The following GPR26 variants were observed in gnomAD, a reference collection of about 807,000 sequenced individuals.
GPR26 encodes G protein-coupled receptor 26.
A neutral mutation model predicts 23.1 loss-of-function variants in GPR26; 15 were observed. The ratio of observed to expected loss-of-function variants is 0.65; its 90% confidence interval spans 0.43 to 1.00. The LOEUF (loss-of-function observed/expected upper bound fraction) is 1.00. Ranked by LOEUF, GPR26 falls within the 50% of genes least tolerant of loss-of-function variation. GPR26 has a pLI of 0.00. For missense variants in GPR26, 359 were observed against 470.5 expected (o/e 0.76, Z 2.19); for synonymous variants, 228 against 222.1 (o/e 1.03, Z -0.24).
chr10:123,671,014 T>C (rs1845243703), intron 1 of GPR26, among the ~76,000 whole-genome samples: 1 of 152,180 alleles, frequency 6.6e-6, no homozygotes, highest in Non-Finnish European at 1.5e-5. Context: ...GCCAGACTGC[T>C]TATGCCAGTG....
At chr10:123,670,678 C>G (rs1359716985) in intron 1 of GPR26, among the ~76,000 whole-genome samples, 1 of 152,230 alleles carries the variant, frequency 6.6e-6, no homozygotes, top group Non-Finnish European at 1.5e-5. Flanking sequence ...CCCTTGCACA[C>G]TGCACGTTGC....
intron 2 of GPR26, among the ~76,000 whole-genome samples, chr10:123,685,028 C>A (rs569054353): frequency 1.3e-5 from 2 of 152,212 alleles, no homozygotes; most frequent in African/African-American, 4.8e-5. Context: ...CTGCCTCCCA[C>A]GTCCCGTCCT....
chr10:123,677,278 C>T (rs1413507454), intron 2 of GPR26, among the ~76,000 whole-genome samples: 1 of 152,210 alleles, frequency 6.6e-6, no homozygotes, highest in Non-Finnish European at 1.5e-5. Context: ...AATATGCTCC[C>T]TCCAAATGGA....
At position 123,666,932 on chromosome 10, in the gene GPR26, C is replaced by T; in HGVS notation, c.525C>T (p.Ala175=). 2 of 1,613,686 alleles carry T rather than the reference C, an allele frequency of 1.2e-6. No individual in the cohort carries two copies. The highest frequency in any genetic ancestry group is 1.7e-6 in the Non-Finnish European group (2 of 1,179,956). The change falls in exon 1 of 3, where the codon GCC becomes GCT. Residue 175 remains alanine, a synonymous_variant. Transcript: ENST00000284674. The part of the protein sequence containing the change: ...ERLRFAVFTG[A]FHALSFLLSF... ...TGCGCTTCGCCGTCTTCACTGGCGC[C>T]TTCCACGCTCTCAGCTTCCTGCTCT...
At chr10:123,680,810 GTTTT>G (rs1438812523) in intron 2 of GPR26, among the ~76,000 whole-genome samples, 2 of 21,602 alleles carry the variant, frequency 9.3e-5, no homozygotes, top group African/African-American at 4.0e-4. Flanking sequence ...GGTTTTTTTT[GTTTT>G]GTTTTGTTTT....
chr10:123,680,827 T>TGG lies in GPR26; in HGVS notation c.782+5906_782+5907dup, dbSNP rs71026068. 1.8e-3 allele frequency among the ~76,000 whole-genome samples: 168 copies of TGG among 95,668 alleles called. 1 individual carries two copies. The highest frequency in any genetic ancestry group is 0.012 in the East Asian group (18 of 1,548). 62.8% of individuals were successfully genotyped at this position (95,668 alleles called of 152,430 possible). On this transcript the variant is annotated intron_variant, in intron 2 of 2. Coordinates refer to ENST00000284674, the MANE Select transcript of GPR26 (RefSeq NM_153442.4). ...TTTTTTTTGTTTTGTTTTGTTTTTT[T>TGG]GGGGGGGGGGGTTGTTTTTTTGTTT...
chr10:123,692,987 C>T lies in GPR26; in HGVS notation c.*4827C>T, dbSNP rs1386041475. ...TTGTTCTCAGAGGGACAAAACTGAT[C>T]TCTCCATGAAATCCCCTGCACCTCA... On this transcript the variant is annotated 3_prime_UTR_variant, in exon 3 of 3. Coordinates refer to ENST00000284674, the MANE Select transcript of GPR26 (RefSeq NM_153442.4). 1.3e-5 allele frequency: 2 copies of T among 152,182 alleles called. No homozygotes were observed. The highest frequency in any genetic ancestry group is 2.9e-5 in the Non-Finnish European group (2 of 68,018). The allele number at this position is 152,182 out of a possible 1,614,324, so 9.4% of individuals were successfully genotyped here. A position where few individuals can be genotyped will look rare whatever the true frequency, so the allele number is the denominator to read the frequency against.
rs1255730156 is a variant in GPR26, at chr10:123,692,643, G to C, written c.*4483G>C. On this transcript the variant is annotated 3_prime_UTR_variant, in exon 3 of 3. Transcript: ENST00000284674. ...GGGTGGAGCTTGGCCTCTGCAGTTT[G>C]CGCTTGCAGGTTCAGGGGAGAAAGT... The C allele has an allele frequency of 1.3e-5, 2 of 152,400 alleles. No homozygotes were observed. Among genetic ancestry groups the C allele is most frequent in the Non-Finnish European group, 2.9e-5 (2 of 68,196 alleles). 9.4% of individuals were successfully genotyped at this position (152,400 alleles called of 1,614,324 possible).
rs1259022280 is a variant in GPR26 at position 123,674,033 on chromosome 10, C to T, written c.669-785C>T. Among the ~76,000 whole-genome samples, 3 of 152,202 alleles carry T rather than the reference C, an allele frequency of 2.0e-5. No homozygotes were observed. Among genetic ancestry groups the T allele is most frequent in the Admixed American group, 2.0e-4 (3 of 15,288 alleles). ...AGGGCAATGACACGGTCTCAGCTCA[C>T]TGCAACCTCTGCCTCCTGGGTTCAA... On this transcript the variant is annotated intron_variant, in intron 1 of 2. Coordinates refer to ENST00000284674, the MANE Select transcript of GPR26 (RefSeq NM_153442.4). The surrounding 1 kb of genome is among the most constrained non-coding windows in gnomAD (Gnocchi z 4.1).
rs760380792 is a variant in GPR26 at position 123,666,997 on chromosome 10, A to T, written c.590A>T (p.Lys197Met). Reference protein sequence around the residue: ...VLCCTYLKVLKVARFHCKRID... With the variant: ...VLCCTYLKVLMVARFHCKRID... ...TGCTGCACGTACCTCAAGGTGCTCAAGGTGGCCCGCTTCCATTGCAAGCGC... is the reference window on the plus strand; with the variant it reads ...TGCTGCACGTACCTCAAGGTGCTCATGGTGGCCCGCTTCCATTGCAAGCGC... The change falls in exon 1 of 3, where the codon AAG (lysine) becomes ATG (methionine). Residue 197 changes from lysine to methionine, a missense_variant. Coordinates refer to ENST00000284674, the MANE Select transcript of GPR26 (RefSeq NM_153442.4). 8.1e-6 allele frequency: 13 copies of T among 1,612,896 alleles called. No homozygotes were observed. The Admixed American group carries it at 1.3e-4, about 17-fold the overall frequency.
intron 2 of GPR26, among the ~76,000 whole-genome samples, chr10:123,676,190 A>G (rs371245607): frequency 2.0e-5 from 3 of 151,976 alleles, no homozygotes; most frequent in African/African-American, 7.3e-5. Context: ...TTTTCCCCAG[A>G]TAGACAACTC....
intron 1 of GPR26, among the ~76,000 whole-genome samples, chr10:123,670,521 A>T (rs1429915845): frequency 2.0e-5 from 3 of 152,180 alleles, no homozygotes; most frequent in Non-Finnish European, 4.4e-5. Flanking sequence ...GCCTTGGTGA[A>T]TATACCTTTA....
intron 2 of GPR26, among the ~76,000 whole-genome samples, chr10:123,685,169 A>G (rs913015258): frequency 2.0e-5 from 3 of 152,134 alleles, no homozygotes; most frequent in Non-Finnish European, 2.9e-5. Context: ...CAGAATTGTA[A>G]TGCCCCTTTC....
Position 123,688,334 on chromosome 10 carries a change from G to C in GPR26, c.*174G>C. The stretch of plus-strand genomic sequence containing the variant: ...CCTGCTTCCTGGTTCCTCAAGGGCA[G>C]ATATTGGACACTCCTTATTTGTCAC... On this transcript the variant is annotated 3_prime_UTR_variant, in exon 3 of 3. Coordinates refer to ENST00000284674, the MANE Select transcript of GPR26 (RefSeq NM_153442.4). 1 of 608,026 alleles carries C rather than the reference G, an allele frequency of 1.6e-6. No individual in the cohort carries two copies. The highest frequency in any genetic ancestry group is 2.9e-6 in the Non-Finnish European group (1 of 342,478). The allele number at this position is 608,026 out of a possible 1,614,324, so 37.7% of individuals were successfully genotyped here.
chr10:123,670,609 C>T (rs926232145), intron 1 of GPR26, among the ~76,000 whole-genome samples: 2 of 152,166 alleles, frequency 1.3e-5, no homozygotes, highest in African/African-American at 2.4e-5. Flanking sequence ...CTGGGAGAGC[C>T]GAGCTGGCCC....
intron 2 of GPR26, among the ~76,000 whole-genome samples, chr10:123,675,837 T>TGTGTGTAC (rs1845303249): frequency 6.9e-6 from 1 of 145,094 alleles, no homozygotes; most frequent in African/African-American, 2.5e-5. Context: ...TGTGTACGTG[T>TGTGTGTAC]GTGTGTGTGT....
chr10:123,674,375 G>A lies in GPR26; in HGVS notation c.669-443G>A, dbSNP rs1390511900. Among the ~76,000 whole-genome samples the A allele has an allele frequency of 6.6e-6, 1 of 152,174 alleles. No homozygotes were observed. Among genetic ancestry groups the A allele is most frequent in the Non-Finnish European group, 1.5e-5 (1 of 68,040 alleles). ...AATCTGAGATACTACTTAGAGAGTG[G>A]GGCACTCTGGAGCCAGCCCATAGCA... On this transcript the variant is annotated intron_variant, in intron 1 of 2. Transcript: ENST00000284674. The surrounding 1 kb of genome is among the most constrained non-coding windows in gnomAD (Gnocchi z 4.1).
intron 2 of GPR26, among the ~76,000 whole-genome samples, chr10:123,683,095 G>A (rs1234688912): frequency 9.2e-6 from 1 of 108,380 alleles, no homozygotes; most frequent in African/African-American, 3.4e-5. Flanking sequence ...AGAGATGATG[G>A]TGGTATAGAA....
At chr10:123,678,648 C>T (rs1845334482) in intron 2 of GPR26, among the ~76,000 whole-genome samples, 2 of 152,230 alleles carry the variant, frequency 1.3e-5, no homozygotes, top group Admixed American at 1.3e-4. Flanking sequence ...TCCACAATGT[C>T]CAACCAGATG....
Sources: gnomAD v4.1 joint callset for allele counts (sites outside exome capture counted in the v4.1 genomes callset) on GRCh38, gnomAD v4.1.1 for gene constraint, Gnocchi (gnomAD v3.1) non-coding constraint, MANE v1.5 for transcripts, NCBI Gene and HGNC (gene_info 2026-07-23, HGNC 2026-07-21) for gene names.